The following OR51A7 variants were observed in gnomAD, a reference collection of about 807,000 sequenced individuals.
OR51A7 encodes the protein olfactory receptor 51A7.
For synonymous variants in OR51A7, 143 were observed against 135.5 expected (o/e 1.05, Z -0.38); for missense variants, 409 against 374.5 (o/e 1.09, Z -0.76).
chr11:4,906,872 C>T (rs185034172), intron 1 of OR51A7, among the ~76,000 whole-genome samples: 1 of 152,114 alleles, frequency 6.6e-6, no homozygotes, highest in East Asian at 1.9e-4. Flanking sequence ...AGGTGGATCA[C>T]CTGTGTCAGG....
At chr11:4,904,581 T>C (rs10836932) in intron 1 of OR51A7, among the ~76,000 whole-genome samples, 32,643 of 152,092 alleles carry the variant, frequency 0.21, 3,842 homozygotes, top group East Asian at 0.56. Flanking sequence ...TGATTTCATT[T>C]ACTCTTTGGT....
In OR51A7 at chr11:4,909,297, T is replaced by C. The variant is rs1046783210; in HGVS notation, c.*989T>C. The C allele has an allele frequency of 6.6e-6, 1 of 152,048 alleles. No homozygotes were observed. The highest frequency in any genetic ancestry group is 1.5e-5 in the Non-Finnish European group (1 of 68,000). The allele number at this position is 152,048 out of a possible 1,614,324, so 9.4% of individuals were successfully genotyped here. A position where few individuals can be genotyped will look rare whatever the true frequency, so the allele number is the denominator to read the frequency against. ...ATGGAAAAATCAAAAGAGTATACAG[T>C]TGAAAATACAATTTGAAGGGGGGCA... On this transcript the variant is annotated 3_prime_UTR_variant, in exon 2 of 2. Transcript: ENST00000641490.
At chr11:4,905,711 A>G (rs981753512) in intron 1 of OR51A7, among the ~76,000 whole-genome samples, 1 of 152,164 alleles carries the variant, frequency 6.6e-6, no homozygotes, top group African/African-American at 2.4e-5. Flanking sequence ...CTTATTAAAT[A>G]TAGGCGGAAT....
chr11:4,907,886 C>A lies in OR51A7; in HGVS notation c.517C>A (p.Leu173Ile). The A allele has an allele frequency of 6.2e-7, 1 of 1,614,038 alleles. No homozygotes were observed. Among genetic ancestry groups the A allele is most frequent in the Non-Finnish European group, 8.5e-7 (1 of 1,180,016 alleles). Residue 173 changes from leucine to isoleucine, a missense_variant, in exon 2 of 2, where the codon CTT becomes ATT. Leu to Ile is a conservative substitution (Grantham distance 5). Transcript: ENST00000641490. ...GAGATTAAAATATTGTCAAAAGAATCTTCTTTCTCACTCATACTGTCTTCA... is the reference window on the plus strand; with the variant it reads ...GAGATTAAAATATTGTCAAAAGAATATTCTTTCTCACTCATACTGTCTTCA... ...LRRLKYCQKN[L>I]LSHSYCLHQD...
In OR51A7 at chr11:4,908,481, A is replaced by C; in HGVS notation, c.*173A>C. The C allele has an allele frequency of 1.5e-6, 1 of 656,896 alleles. No individual in the cohort carries two copies. The allele number at this position is 656,896 out of a possible 1,614,324, so 40.7% of individuals were successfully genotyped here. ...TATAACTGAACAGGATAGAAAAAAA[A>C]GTCAAGAGATATATAAGATATAGAG... On this transcript the variant is annotated 3_prime_UTR_variant, in exon 2 of 2. Transcript: ENST00000641490.
At position 4,908,255 on chromosome 11, in the gene OR51A7, C is replaced by G. The variant is rs754596163; in HGVS notation, c.886C>G (p.Arg296Gly). 4.9e-5 allele frequency: 79 copies of G among 1,613,882 alleles called. No homozygotes were observed. The Admixed American group carries it at 8.3e-4, about 17-fold the overall frequency. ...CCCCATTGTGTACTGTGTAAAGACT[C>G]GACAAATCTGGGAGAAGATCTTGGG... is the stretch of plus-strand genomic sequence containing the variant. ...MNPIVYCVKTRQIWEKILGKL... is the reference protein window; with the variant it reads ...MNPIVYCVKTGQIWEKILGKL... Residue 296 changes from arginine (R) to glycine (G), a missense_variant, in exon 2 of 2, where the codon CGA (arginine) becomes GGA (glycine). Transcript: ENST00000641490.
At position 4,908,349 on chromosome 11, in the gene OR51A7, A is replaced by C; in HGVS notation, c.*41A>C. The C allele has an allele frequency of 6.6e-7, 1 of 1,510,446 alleles. No homozygotes were observed. The highest frequency in any genetic ancestry group is 1.1e-5 in the South Asian group (1 of 88,834). The allele number at this position is 1,510,446 out of a possible 1,614,324, so 93.6% of individuals were successfully genotyped here. On this transcript the variant is annotated 3_prime_UTR_variant, in exon 2 of 2. Transcript: ENST00000641490. ...GGTAATAAATTATCAACCAGTAGGC[A>C]TTTACTGTCATTTGCTATGTGCTTA...
At position 4,907,531 on chromosome 11, in the gene OR51A7, G is replaced by A. The variant is rs188107887; in HGVS notation, c.162G>A (p.Ser54=). The change falls in exon 2 of 2, where the codon TCG becomes TCA. Residue 54 remains serine, a synonymous_variant. Coordinates refer to ENST00000641490, the MANE Select transcript of OR51A7 (RefSeq NM_001004749.2). ...TILFIIKTEP[S]LHEPMYYFLA... ...TCTTTATTATAAAGACAGAGCCCTCGCTTCATGAGCCCATGTATTATTTCC... is the reference window on the plus strand; with the variant it reads ...TCTTTATTATAAAGACAGAGCCCTCACTTCATGAGCCCATGTATTATTTCC... 3.8e-5 allele frequency: 61 copies of A among 1,613,992 alleles called. No individual in the cohort carries two copies. Among genetic ancestry groups the A allele is most frequent in the South Asian group, 5.5e-5 (5 of 91,072 alleles).
rs1318129253 is a variant in OR51A7 at position 4,908,691 on chromosome 11, G to T, written c.*383G>T. 7.5e-6 allele frequency: 2 copies of T among 267,732 alleles called. No individual in the cohort carries two copies. The highest frequency in any genetic ancestry group is 4.5e-5 in the African/African-American group (2 of 44,832). 16.6% of individuals were successfully genotyped at this position (267,732 alleles called of 1,614,324 possible). A position where few individuals can be genotyped will look rare whatever the true frequency, so the allele number is the denominator to read the frequency against. On this transcript the variant is annotated 3_prime_UTR_variant, in exon 2 of 2. Coordinates refer to ENST00000641490, the MANE Select transcript of OR51A7 (RefSeq NM_001004749.2). Reference sequence around the variant, plus strand: ...CATACTGTCAAGGAAAGGTAAAATAGCTATGAAGGATGCTGATCTGATTAC... The same window carrying T: ...CATACTGTCAAGGAAAGGTAAAATATCTATGAAGGATGCTGATCTGATTAC...
intron 1 of OR51A7, among the ~76,000 whole-genome samples, chr11:4,906,036 T>A (rs889356607): frequency 1.3e-5 from 2 of 152,194 alleles, no homozygotes; most frequent in Non-Finnish European, 2.9e-5. Context: ...TAAGATTAAA[T>A]AATCCAATCA....
rs1051489473 is a variant in OR51A7 at position 4,903,803 on chromosome 11, A to G, written c.-73A>G. 1 of 152,088 alleles carries G rather than the reference A, an allele frequency of 6.6e-6. No individual in the cohort carries two copies. Among genetic ancestry groups the G allele is most frequent in the African/African-American group, 2.4e-5 (1 of 41,436 alleles). 9.4% of individuals were successfully genotyped at this position (152,088 alleles called of 1,614,324 possible). A position where few individuals can be genotyped will look rare whatever the true frequency, so the allele number is the denominator to read the frequency against. On this transcript the variant is annotated 5_prime_UTR_variant, in exon 1 of 2. Coordinates refer to ENST00000641490, the MANE Select transcript of OR51A7 (RefSeq NM_001004749.2). ...ACTTACTGAGCATCTGGTTCTGGTA[A>G]GGTTAAGGAGCTATAAATCCTTTTG...
rs1373200644 is a variant in OR51A7 at position 4,907,952 on chromosome 11, A to G, written c.583A>G (p.Asn195Asp). 2.5e-6 allele frequency: 4 copies of G among 1,614,036 alleles called. No individual in the cohort carries two copies. The highest frequency in any genetic ancestry group is 1.1e-5 in the South Asian group (1 of 91,090). Residue 195 changes from asparagine (N) to aspartate (D), a missense_variant, in exon 2 of 2, where the codon AAT becomes GAT. By Grantham distance (23) the Asn-to-Asp change is conservative. Transcript: ENST00000641490. ...MKLACSDNKTNVIYGFFIALC... is the reference protein window; with the variant it reads ...MKLACSDNKTDVIYGFFIALC... Reference sequence around the variant, plus strand: ...GCTGGCCTGCTCTGACAACAAGACCAATGTCATCTATGGCTTCTTCATTGC... The same window carrying G: ...GCTGGCCTGCTCTGACAACAAGACCGATGTCATCTATGGCTTCTTCATTGC...
Position 4,907,864 on chromosome 11 carries a change from A to T in OR51A7, c.495A>T (p.Arg165Ser). 6.2e-7 allele frequency: 1 copy of T among 1,613,874 alleles called. No homozygotes were observed. Among genetic ancestry groups the T allele is most frequent in the Non-Finnish European group, 8.5e-7 (1 of 1,179,954 alleles). Residue 165 changes from arginine to serine, a missense_variant, in exon 2 of 2, where the codon AGA (arginine) becomes AGT (serine). Transcript: ENST00000641490. Reference protein sequence around the residue: ...LVIPFPFTLRRLKYCQKNLLS... With the variant: ...LVIPFPFTLRSLKYCQKNLLS... ...TTCCATTTCCCTTCACCTTAAGGAGATTAAAATATTGTCAAAAGAATCTTC... is the reference window on the plus strand; with the variant it reads ...TTCCATTTCCCTTCACCTTAAGGAGTTTAAAATATTGTCAAAAGAATCTTC...
rs778392725 is a variant in OR51A7, at chr11:4,907,541, C to A, written c.172C>A (p.Pro58Thr). The change falls in exon 2 of 2, where the codon CCC (proline) becomes ACC (threonine). Residue 58 changes from proline (P) to threonine (T), a missense_variant. Physicochemically the swap from Pro to Thr is conservative, Grantham distance 38 (BLOSUM62 -1). Transcript: ENST00000641490. ...AAAGACAGAGCCCTCGCTTCATGAG[C>A]CCATGTATTATTTCCTTGCCATGTT... ...IIKTEPSLHE[P>T]MYYFLAMLAV... is the part of the protein sequence containing the mutation. The A allele has an allele frequency of 6.2e-7, 1 of 1,614,098 alleles. No homozygotes were observed. Among genetic ancestry groups the A allele is most frequent in the Non-Finnish European group, 8.5e-7 (1 of 1,179,990 alleles).
rs980234979 is a variant in OR51A7 at position 4,908,449 on chromosome 11, T to C, written c.*141T>C. 1 of 748,416 alleles carries C rather than the reference T, an allele frequency of 1.3e-6. No individual in the cohort carries two copies. The highest frequency in any genetic ancestry group is 2.3e-6 in the Non-Finnish European group (1 of 434,368). 46.4% of individuals were successfully genotyped at this position (748,416 alleles called of 1,614,324 possible). On this transcript the variant is annotated 3_prime_UTR_variant, in exon 2 of 2. Transcript: ENST00000641490. The stretch of plus-strand genomic sequence containing the variant: ...ATGTAGTGCAGAATTTATAATAAAG[T>C]TGAGAATATAACTGAACAGGATAGA...
Position 4,907,095 on chromosome 11 carries a change from T to TAAAAAAA in OR51A7, c.-31-230_-31-224dup, listed in dbSNP as rs3065178. 3.2e-3 allele frequency among the ~76,000 whole-genome samples: 178 copies of TAAAAAAA among 55,122 alleles called. 12 individuals are homozygous for TAAAAAAA. Among genetic ancestry groups the TAAAAAAA allele is most frequent in the African/African-American group, 0.01 (159 of 15,270 alleles). The allele number at this position is 55,122 out of a possible 152,430, so 36.2% of individuals were successfully genotyped here. On this transcript the variant is annotated intron_variant, in intron 1 of 1. Coordinates refer to ENST00000641490, the MANE Select transcript of OR51A7 (RefSeq NM_001004749.2). ...TGGGCAACAAGAGCAAAACTCCCTC[T>TAAAAAAA]AAAAAAAAAAAAAAAAAAAATCCTA...
chr11:4,905,586 G>C (rs1850873692), intron 1 of OR51A7, among the ~76,000 whole-genome samples: 1 of 152,054 alleles, frequency 6.6e-6, no homozygotes, highest in South Asian at 2.1e-4. Context: ...AGTGAGGATA[G>C]CTTGTCTTCT....
rs1236800382 is a variant in OR51A7, at chr11:4,908,455, A to T, written c.*147A>T. On this transcript the variant is annotated 3_prime_UTR_variant, in exon 2 of 2. Transcript: ENST00000641490. ...TGCAGAATTTATAATAAAGTTGAGAATATAACTGAACAGGATAGAAAAAAA... is the reference window on the plus strand; with the variant it reads ...TGCAGAATTTATAATAAAGTTGAGATTATAACTGAACAGGATAGAAAAAAA... 2.7e-6 allele frequency: 2 copies of T among 728,108 alleles called. No individual in the cohort carries two copies. The highest frequency in any genetic ancestry group is 2.7e-5 in the East Asian group (1 of 36,926). The allele number at this position is 728,108 out of a possible 1,614,324, so 45.1% of individuals were successfully genotyped here.
At position 4,907,805 on chromosome 11, in the gene OR51A7, C is replaced by G. The variant is rs142993597; in HGVS notation, c.436C>G (p.Leu146Val). Residue 146 changes from leucine (L) to valine (V), a missense_variant, in exon 2 of 2, where the codon CTT becomes GTT. Coordinates refer to ENST00000641490, the MANE Select transcript of OR51A7 (RefSeq NM_001004749.2). ...TAGCAACAGGGTTGCTAAAATGGGA[C>G]TTATTTTAGCCATTAGGAGCATTCT... ...LTSNRVAKMG[L>V]ILAIRSILLV... 6.2e-7 allele frequency: 1 copy of G among 1,613,962 alleles called. No homozygotes were observed. Among genetic ancestry groups the G allele is most frequent in the East Asian group, 2.2e-5 (1 of 44,862 alleles).
Sources: allele counts gnomAD v4.1 joint callset (sites outside exome capture counted in the v4.1 genomes callset), GRCh38; gene constraint gnomAD v4.1.1; transcripts MANE v1.5; gene names NCBI Gene and HGNC (gene_info 2026-07-23, HGNC 2026-07-21).